CAMK2D: variants seen among roughly 807,000 people sequenced by gnomAD.
CAMK2D encodes calcium/calmodulin dependent protein kinase II delta.
Under a neutral mutation model 84.0 loss-of-function variants are expected in CAMK2D, and 37 were observed. The observed-to-expected ratio is 0.44, with a 90% CI of 0.34 to 0.58. The LOEUF is 0.58. Among genes scored for constraint, CAMK2D ranks in the 20% least tolerant of loss-of-function variants. The pLI is 0.02. For synonymous variants in CAMK2D, 202 were observed against 212.5 expected (o/e 0.95, Z 0.43); for missense variants, 448 against 652.5 (o/e 0.69, Z 3.41).
chr4:113,691,279 TC>T (rs1384043668), intron 2 of CAMK2D, among the ~76,000 whole-genome samples: 7 of 152,342 alleles, frequency 4.6e-5, no homozygotes, highest in African/African-American at 1.7e-4. Flanking sequence ...CCATACTTGC[TC>T]TACCAATAGT....
chr4:113,513,758 A>G, intron 11 of CAMK2D, 72 bp downstream of exon 11: 1 of 709,264 alleles, frequency 1.4e-6, no homozygotes, highest in Middle Eastern at 3.5e-4. Flanking sequence ...GCTAGAAGTT[A>G]TTTTCCTCAC....
intron 4 of CAMK2D, among the ~76,000 whole-genome samples, chr4:113,582,859 T>C (rs939970911): frequency 1.3e-5 from 2 of 152,216 alleles, no homozygotes; most frequent in East Asian, 3.9e-4. Flanking sequence ...ATGGACACTC[T>C]CCCATGGCAT....
At chr4:113,710,836 G>T (rs1446944429) in intron 2 of CAMK2D, among the ~76,000 whole-genome samples, 1 of 152,102 alleles carries the variant, frequency 6.6e-6, no homozygotes, top group Non-Finnish European at 1.5e-5. Flanking sequence ...CTGAAAAATG[G>T]GAAACTGCTT....
intron 4 of CAMK2D, among the ~76,000 whole-genome samples, chr4:113,572,150 T>C (rs189158262): frequency 6.6e-6 from 1 of 152,170 alleles, no homozygotes; most frequent in Non-Finnish European, 1.5e-5. Context: ...AGTTGACACA[T>C]TCTTCCTTTC....
chr4:113,608,994 T>A (rs3764805), intron 4 of CAMK2D, among the ~76,000 whole-genome samples, 158 bp downstream of exon 4: 17,470 of 152,164 alleles, frequency 0.11, 1,276 homozygotes, highest in South Asian at 0.18. Flanking sequence ...CAATGCTGAG[T>A]AGTATCCTCT....
rs533021875 is a variant in CAMK2D at position 113,453,379 on chromosome 4, A to C, written c.*1166T>G. On this transcript the variant is annotated 3_prime_UTR_variant, in exon 21 of 21. Coordinates refer to ENST00000511664, the MANE Select transcript of CAMK2D (RefSeq NM_001321571.2). ...GCGGAGGTGAGTGCGTTTGCATAAA[A>C]CCCCCTCTGCTATCAAGTTGGTATC... is the stretch of plus-strand genomic sequence containing the variant. 1 of 151,696 alleles carries C rather than the reference A, an allele frequency of 6.6e-6. No homozygotes were observed. The highest frequency in any genetic ancestry group is 6.6e-5 in the Admixed American group (1 of 15,192). The allele number at this position is 151,696 out of a possible 1,614,324, so 9.4% of individuals were successfully genotyped here.
At chr4:113,667,474 T>G (rs1228479209) in intron 2 of CAMK2D, among the ~76,000 whole-genome samples, 2 of 152,222 alleles carry the variant, frequency 1.3e-5, no homozygotes, top group Admixed American at 1.3e-4. Flanking sequence ...AGCACTATAA[T>G]GTAGCTACTC....
At chr4:113,488,114 A>C (rs764296053) in intron 16 of CAMK2D, among the ~76,000 whole-genome samples, 1 of 152,106 alleles carries the variant, frequency 6.6e-6, no homozygotes, top group Non-Finnish European at 1.5e-5. Flanking sequence ...AGATAGAAGG[A>C]ATAATATTTT....
chr4:113,603,768 CTATTTTATA>C (rs1333899780), intron 4 of CAMK2D, among the ~76,000 whole-genome samples: 2 of 106,786 alleles, frequency 1.9e-5, no homozygotes, highest in African/African-American at 8.1e-5. Context: ...ATATTTCTTG[CTATTTTATA>C]TATATATATA....
intron 13 of CAMK2D, among the ~76,000 whole-genome samples, chr4:113,505,844 C>A (rs779959362): frequency 6.6e-6 from 1 of 152,112 alleles, no homozygotes; most frequent in Non-Finnish European, 1.5e-5. Context: ...AGTGTTCTAA[C>A]GGTCCACAGA....
At chr4:113,581,179 A>G (rs376642498) in intron 4 of CAMK2D, among the ~76,000 whole-genome samples, 1 of 152,174 alleles carries the variant, frequency 6.6e-6, no homozygotes, top group Non-Finnish European at 1.5e-5. Context: ...TTGTTATTCT[A>G]TTTGACCTTT....
chr4:113,473,641 A>G (rs1483710157), intron 16 of CAMK2D, among the ~76,000 whole-genome samples: 2 of 152,214 alleles, frequency 1.3e-5, no homozygotes, highest in African/African-American at 2.4e-5. Flanking sequence ...ATTAAAAAAA[A>G]TAAATAAATT....
chr4:113,637,723 G>C lies in CAMK2D; in HGVS notation c.220+23990C>G, dbSNP rs566573808. ...TAAATTTCTATAAAATATCTACCTA[G>C]GAAGATATAATCTGAACTTTTTTCC... On this transcript the variant is annotated intron_variant, in intron 3 of 20. Transcript: ENST00000511664. 4.0e-3 allele frequency among the ~76,000 whole-genome samples: 605 copies of C among 152,108 alleles called. 6 individuals are homozygous for C. Among genetic ancestry groups the C allele is most frequent in the African/African-American group, 0.013 (542 of 41,482 alleles).
intron 2 of CAMK2D, among the ~76,000 whole-genome samples, chr4:113,733,302 C>A (rs930149209): frequency 6.6e-6 from 1 of 152,128 alleles, no homozygotes; most frequent in Admixed American, 6.5e-5. Context: ...ATTAAAGGAG[C>A]CTTGGTCCTC....
chr4:113,754,181 A>C (rs959097699), intron 2 of CAMK2D: 3 of 947,150 alleles, frequency 3.2e-6, no homozygotes, highest in Non-Finnish European at 3.8e-6. Context: ...TTGTAACTTA[A>C]AATCTTTAAC....
intron 2 of CAMK2D, among the ~76,000 whole-genome samples, chr4:113,692,106 A>G (rs2099388717): frequency 6.6e-6 from 1 of 152,176 alleles, no homozygotes. Context: ...CTAAGAGAAG[A>G]TTATCTCTAG....
intron 18 of CAMK2D, among the ~76,000 whole-genome samples, chr4:113,458,111 A>G (rs540324600): frequency 6.6e-6 from 1 of 152,316 alleles, no homozygotes; most frequent in South Asian, 2.1e-4. Flanking sequence ...CTTGTTTCTC[A>G]TCTCATTCTC....
At position 113,699,405 on chromosome 4, in the gene CAMK2D, G is replaced by T. The variant is rs570650127; in HGVS notation, c.161-37633C>A. ...CTATTGATTCCTTTAACATTATGTT[G>T]TGGATACTGAAGCATATAATCTAAG... On this transcript the variant is annotated intron_variant, in intron 2 of 20. Coordinates refer to ENST00000511664, the MANE Select transcript of CAMK2D (RefSeq NM_001321571.2). Among the ~76,000 whole-genome samples the T allele has an allele frequency of 7.9e-5, 12 of 152,176 alleles. No homozygotes were observed. In the South Asian group the frequency reaches 2.3e-3, roughly 29 times the overall value.
chr4:113,641,640 A>T (rs1192667792), intron 3 of CAMK2D, among the ~76,000 whole-genome samples: 1 of 152,232 alleles, frequency 6.6e-6, no homozygotes, highest in Non-Finnish European at 1.5e-5. Flanking sequence ...CTAAAACATT[A>T]TCACTAGCAC....
Sources: allele counts gnomAD v4.1 joint callset (sites outside exome capture counted in the v4.1 genomes callset), GRCh38; gene constraint gnomAD v4.1.1; transcripts MANE v1.5; gene names NCBI Gene and HGNC (gene_info 2026-07-23, HGNC 2026-07-21).